OPTN: variants seen among roughly 807,000 people sequenced by gnomAD.
OPTN encodes E3-14.7K-interacting protein.
A neutral mutation model predicts 70.4 loss-of-function variants in OPTN; 54 were observed. The observed-to-expected ratio is 0.77, with a 90% CI of 0.62 to 0.96. OPTN has a LOEUF of 0.96. Among genes scored for constraint, OPTN ranks in the 40% least tolerant of loss-of-function variants. The pLI, the probability that OPTN is intolerant of heterozygous loss-of-function variation, is 0.00. For synonymous variants in OPTN, 256 were observed against 248.5 expected (o/e 1.03, Z -0.28); for missense variants, 624 against 673.2 (o/e 0.93, Z 0.81).
intron 12 of OPTN, among the ~76,000 whole-genome samples, chr10:13,128,758 G>T (rs749572612): frequency 9.2e-5 from 14 of 151,718 alleles, no homozygotes; most frequent in Non-Finnish European, 1.8e-4. Context: ...GGCCAGGCTG[G>T]TCTCAAACTC....
intron 6 of OPTN, among the ~76,000 whole-genome samples, chr10:13,117,834 G>A (rs190945137): frequency 1.6e-3 from 240 of 152,264 alleles, no homozygotes; most frequent in African/African-American, 5.3e-3. Flanking sequence ...ATTGTCTTCC[G>A]TTATGTTTCT....
rs1479534195 is a variant in OPTN, at chr10:13,116,299, C to G, written c.585C>G (p.Ile195Met). The G allele has an allele frequency of 6.2e-7, 1 of 1,613,458 alleles. No individual in the cohort carries two copies. The highest frequency in any genetic ancestry group is 8.5e-7 in the Non-Finnish European group (1 of 1,179,466). The change falls in exon 6 of 15, where the codon ATC (isoleucine) becomes ATG (methionine). Residue 195 changes from isoleucine (I) to methionine (M), a missense_variant. Transcript: ENST00000378747. ...EGEAEGSVKEIKHSPGPTRTV... is the reference protein window; with the variant it reads ...EGEAEGSVKEMKHSPGPTRTV... ...AAGCAGAAGGGTCAGTAAAAGAAAT[C>G]AAGCATAGTCCTGGGCCCACGAGAA...
At chr10:13,118,212 T>C (rs57199113) in intron 6 of OPTN, among the ~76,000 whole-genome samples, 35,749 of 152,222 alleles carry the variant, frequency 0.23, 4,706 homozygotes, top group Middle Eastern at 0.41. Context: ...ATCCTGGCTG[T>C]TTATTAGCTA....
rs1001042784 is a variant in OPTN at position 13,137,261 on chromosome 10, A to G, written c.*395A>G. The G allele has an allele frequency of 1.4e-5, 5 of 347,192 alleles. No individual in the cohort carries two copies. The Admixed American group carries it at 2.2e-4, about 15-fold the overall frequency. 21.5% of individuals were successfully genotyped at this position (347,192 alleles called of 1,614,324 possible). The stretch of plus-strand genomic sequence containing the variant: ...ACCACTGCACTCCAGCCTGGGTGAC[A>G]GAGGGAGACTCTGTCTCGAAAGAAA... On this transcript the variant is annotated 3_prime_UTR_variant, in exon 15 of 15. Coordinates refer to ENST00000378747, the MANE Select transcript of OPTN (RefSeq NM_001008212.2).
In OPTN at chr10:13,109,133, A is replaced by G. The variant is rs1441678291; in HGVS notation, c.11A>G (p.Gln4Arg). The change falls in exon 3 of 15, where the codon CAA becomes CGA. Residue 4 changes from glutamine (Q) to arginine (R), a missense_variant. Coordinates refer to ENST00000378747, the MANE Select transcript of OPTN (RefSeq NM_001008212.2). The part of the protein sequence containing the change: MSH[Q>R]PLSCLTEKED... ...ACAGGAACTTCTGCAATGTCCCATCAACCTCTCAGCTGCCTCACTGAAAAG... is the reference window on the plus strand; with the variant it reads ...ACAGGAACTTCTGCAATGTCCCATCGACCTCTCAGCTGCCTCACTGAAAAG... The G allele has an allele frequency of 6.2e-7, 1 of 1,613,978 alleles. No homozygotes were observed. The highest frequency in any genetic ancestry group is 8.5e-7 in the Non-Finnish European group (1 of 1,179,978).
chr10:13,126,081 C>T (rs1407405652), intron 11 of OPTN, 42 bp downstream of exon 11: 5 of 1,162,506 alleles, frequency 4.3e-6, no homozygotes, highest in Non-Finnish European at 6.5e-6. Flanking sequence ...TAGTAATGAA[C>T]AGAAACTGTT....
chr10:13,134,128 C>T (rs929338078), intron 14 of OPTN, among the ~76,000 whole-genome samples: 6 of 152,176 alleles, frequency 3.9e-5, no homozygotes, highest in East Asian at 3.9e-4. Context: ...ACTTTTAAAC[C>T]GTGTCTCCCT....
intron 2 of OPTN, 143 bp from the exon 3 acceptor site, chr10:13,108,969 C>CA: frequency 1.3e-6 from 1 of 787,502 alleles, no homozygotes. Context: ...AAGGAAGAAT[C>CA]AAAAATGTCC....
chr10:13,109,366 T>C (rs1217012955), intron 3 of OPTN, 78 bp downstream of exon 3: 2 of 1,454,556 alleles, frequency 1.4e-6, no homozygotes, highest in Non-Finnish European at 1.9e-6. Context: ...TAAGGCTTGG[T>C]GGTGAGCTCC....
intron 12 of OPTN, among the ~76,000 whole-genome samples, chr10:13,128,945 C>T (rs140878438): frequency 6.6e-6 from 1 of 152,210 alleles, no homozygotes; most frequent in East Asian, 1.9e-4. Context: ...ATTTGAGGAA[C>T]AAAAGTTCTT....
chr10:13,118,933 T>A lies in OPTN; in HGVS notation c.672T>A (p.Asn224Lys), dbSNP rs747185111. The change falls in exon 7 of 15, where the codon AAT (asparagine) becomes AAA (lysine). Residue 224 changes from asparagine to lysine, a missense_variant. Coordinates refer to ENST00000378747, the MANE Select transcript of OPTN (RefSeq NM_001008212.2). ...GCAGATCTGCAGATGGGGCCAAGAA[T>A]TACTTCGAACATGAGGAGTTAACTG... ...YRSRSADGAK[N>K]YFEHEELTVS... is the part of the protein sequence containing the mutation. The A allele has an allele frequency of 8.1e-6, 13 of 1,613,956 alleles. 1 individual carries two copies. The highest frequency in any genetic ancestry group is 1.0e-5 in the Non-Finnish European group (12 of 1,179,942).
chr10:13,121,585 A>G (rs1033906103), intron 7 of OPTN, among the ~76,000 whole-genome samples: 2 of 147,492 alleles, frequency 1.4e-5, no homozygotes, highest in African/African-American at 5.0e-5. Flanking sequence ...TCTTAGGGGG[A>G]AAGCTAAGGC....
chr10:13,105,485 A>T (rs1051686385), intron 1 of OPTN, among the ~76,000 whole-genome samples: 1 of 152,238 alleles, frequency 6.6e-6, no homozygotes, highest in East Asian at 1.9e-4. Context: ...CTCCCTTAGC[A>T]CGACCCCACT....
intron 4 of OPTN, among the ~76,000 whole-genome samples, chr10:13,111,642 A>G (rs898682020): frequency 1.3e-5 from 2 of 151,938 alleles, no homozygotes; most frequent in Non-Finnish European, 2.9e-5. Context: ...AGGATGCAGT[A>G]AGCTGAGATC....
chr10:13,122,859 T>C (rs769374769), intron 8 of OPTN: 10 of 307,884 alleles, frequency 3.2e-5, no homozygotes, highest in South Asian at 2.8e-4. Flanking sequence ...GTATTTTTAA[T>C]ACAGACAGGG....
chr10:13,120,044 G>A (rs1833309747), intron 7 of OPTN, among the ~76,000 whole-genome samples: 2 of 146,098 alleles, frequency 1.4e-5, no homozygotes, highest in South Asian at 4.3e-4. Flanking sequence ...GTGCAGTGGC[G>A]CAATCTCGGC....
At chr10:13,111,807 C>T (rs1366158216) in intron 4 of OPTN, among the ~76,000 whole-genome samples, 1 of 150,824 alleles carries the variant, frequency 6.6e-6, no homozygotes, top group Non-Finnish European at 1.5e-5. Context: ...AGTCTCATGG[C>T]CAGGTCCTTA....
chr10:13,122,058 T>C (rs909219622), intron 7 of OPTN, among the ~76,000 whole-genome samples: 4 of 152,244 alleles, frequency 2.6e-5, no homozygotes, highest in Non-Finnish European at 5.9e-5. Flanking sequence ...AGATACCATG[T>C]TCATGGAACA....
At chr10:13,104,562 C>T (rs1354598491) in intron 1 of OPTN, 2 of 606,488 alleles carry the variant, frequency 3.3e-6, no homozygotes, top group Admixed American at 3.9e-5. Context: ...TGCTGAACAG[C>T]CATTTTTTAT....
Sources: gnomAD v4.1 joint callset for allele counts (sites outside exome capture counted in the v4.1 genomes callset) on GRCh38, gnomAD v4.1.1 for gene constraint, MANE v1.5 for transcripts, NCBI Gene and HGNC (gene_info 2026-07-23, HGNC 2026-07-21) for gene names.